JAK1: variants seen among roughly 807,000 people sequenced by gnomAD.
JAK1 encodes tyrosine-protein kinase JAK1.
In JAK1, 16 loss-of-function variants were observed where a neutral mutation model predicts 136.6. The observed-to-expected ratio is 0.12, with a 90% CI of 0.08 to 0.18. The LOEUF is 0.18. Among genes scored for constraint, JAK1 ranks in the 10% least tolerant of loss-of-function variants. The probability of loss-of-function intolerance (pLI) is 1.00; values close to 1 mark genes in which losing one functional copy is unlikely to be tolerated. For synonymous variants in JAK1, 492 were observed against 519.5 expected, an observed-to-expected ratio of 0.95 and a Z score of 0.72; for missense variants, 859 against 1,450.1, an observed-to-expected ratio of 0.59 and a Z score of 6.62.
intron 1 of JAK1, among the ~76,000 whole-genome samples, chr1:65,046,591 A>T (rs1175641215): frequency 6.6e-6 from 1 of 152,200 alleles, no homozygotes; most frequent in Non-Finnish European, 1.5e-5. Flanking sequence ...GCTGTCCATC[A>T]GTGGAACAGG....
chr1:64,844,358 CTGTG>C lies in JAK1; in HGVS notation c.2252-147_2252-144del. The C allele has an allele frequency of 9.2e-7, 1 of 1,087,444 alleles. No homozygotes were observed. The highest frequency in any genetic ancestry group is 1.4e-6 in the Non-Finnish European group (1 of 731,484). 67.4% of individuals were successfully genotyped at this position (1,087,444 alleles called of 1,614,324 possible). A position where few individuals can be genotyped will look rare whatever the true frequency, so the allele number is the denominator to read the frequency against. On this transcript the variant is annotated intron_variant, in intron 16 of 24. Coordinates refer to ENST00000342505, the MANE Select transcript of JAK1 (RefSeq NM_002227.4). This position sits in a 1 kb window ranked among gnomAD's most constrained non-coding sequence, Gnocchi z 5.7. ...AACATGGCCCATGGCCACATAGGCC[CTGTG>C]CGGGGGGCCTGCAGGCGTGCAGCCC... is the stretch of plus-strand genomic sequence containing the variant.
intron 2 of JAK1, among the ~76,000 whole-genome samples, chr1:65,014,572 G>C (rs1469787168): frequency 6.6e-6 from 1 of 152,080 alleles, no homozygotes; most frequent in Non-Finnish European, 1.5e-5. Context: ...ATTATCAAAG[G>C]AATGGCAGTG....
At position 64,841,617 on chromosome 1, in the gene JAK1, G is replaced by A. The variant is rs201787587; in HGVS notation, c.2404-16C>T. 1.9e-6 allele frequency: 3 copies of A among 1,613,030 alleles called. No homozygotes were observed. Among genetic ancestry groups the A allele is most frequent in the East Asian group, 2.2e-5 (1 of 44,890 alleles). On this transcript the variant is annotated splice_polypyrimidine_tract_variant and intron_variant, in intron 17 of 24. Coordinates refer to ENST00000342505, the MANE Select transcript of JAK1 (RefSeq NM_002227.4). ...ATCTCTCTTTCTGTAAACAAGAGGG[G>A]CACATGGAAGAAACCAAAGGAACCA... is the stretch of plus-strand genomic sequence containing the variant.
chr1:64,908,401 C>T (rs568422960), intron 1 of JAK1, among the ~76,000 whole-genome samples: 1 of 152,180 alleles, frequency 6.6e-6, no homozygotes, highest in African/African-American at 2.4e-5. Context: ...TTCCTTTTTA[C>T]ATATTCTACT....
At chr1:64,941,495 G>A (rs965135655) in intron 1 of JAK1, among the ~76,000 whole-genome samples, 1 of 151,816 alleles carries the variant, frequency 6.6e-6, no homozygotes, top group African/African-American at 2.4e-5. Context: ...AATATTTTAG[G>A]GACCAAAAAA....
At chr1:64,942,799 C>T (rs144166682) in intron 1 of JAK1, among the ~76,000 whole-genome samples, 1,915 of 152,096 alleles carry the variant, frequency 0.013, 41 homozygotes, top group African/African-American at 0.044. Flanking sequence ...GGAAGTAGAA[C>T]GAGGGAAGAA....
intron 8 of JAK1, among the ~76,000 whole-genome samples, chr1:64,861,908 C>T (rs529445788): frequency 6.6e-6 from 1 of 152,198 alleles, no homozygotes; most frequent in South Asian, 2.1e-4. Flanking sequence ...GAACAAGGGG[C>T]AGGCTGGCCT....
chr1:65,067,577 G>A (rs1569988693), intron 1 of JAK1: 1 of 135,940 alleles, frequency 7.4e-6, no homozygotes, highest in South Asian at 2.5e-4. Context: ...CGCCGCCCCC[G>A]CGCCCGGCCG....
At chr1:65,036,555 C>T (rs1216218428) in intron 2 of JAK1, among the ~76,000 whole-genome samples, 2 of 152,196 alleles carry the variant, frequency 1.3e-5, no homozygotes, top group South Asian at 4.1e-4. Flanking sequence ...ATGTGTCTTG[C>T]ACATTGTATC....
Position 64,994,168 on chromosome 1 carries a change from T to C in JAK1, c.-78+50312A>G, listed in dbSNP as rs375149021. On this transcript the variant is annotated intron_variant, in intron 2 of 25. Transcript: ENST00000671954. Reference sequence around the variant, plus strand: ...GTTGCCCAGGCTGGTCTCAAACTCTTGGGCTCAAGTAATCCGCCTTCCTTG... The same window carrying C: ...GTTGCCCAGGCTGGTCTCAAACTCTCGGGCTCAAGTAATCCGCCTTCCTTG... 2.0e-4 allele frequency among the ~76,000 whole-genome samples: 30 copies of C among 152,364 alleles called. 5 individuals are homozygous for C. The highest frequency in any genetic ancestry group is 3.3e-4 in the Admixed American group (5 of 15,306).
In JAK1 at chr1:64,984,200, G is replaced by A. The variant is rs559119696; in HGVS notation, c.-78+60280C>T. Among the ~76,000 whole-genome samples, 1 of 152,274 alleles carries A rather than the reference G, an allele frequency of 6.6e-6. No individual in the cohort carries two copies. The highest frequency in any genetic ancestry group is 2.1e-4 in the South Asian group (1 of 4,828). On this transcript the variant is annotated intron_variant, in intron 2 of 25. Coordinates refer to the JAK1 transcript ENST00000671954. This position sits in a 1 kb window ranked among gnomAD's most constrained non-coding sequence, Gnocchi z 4.1. ...GTACAGCTGTATGGAAGTGAGGAAG[G>A]TGCTCTTACATAAACCCTGTCTGCC... is the stretch of plus-strand genomic sequence containing the variant.
chr1:65,020,116 A>G (rs1405546994), intron 2 of JAK1, among the ~76,000 whole-genome samples: 1 of 136,546 alleles, frequency 7.3e-6, no homozygotes, highest in Non-Finnish European at 1.6e-5. Context: ...TCCTAGCTAC[A>G]TGGGAGGCTG....
chr1:64,908,867 G>A (rs893646097), intron 1 of JAK1, among the ~76,000 whole-genome samples: 4 of 152,046 alleles, frequency 2.6e-5, no homozygotes, highest in East Asian at 1.9e-4. Flanking sequence ...GAAAGCAAGC[G>A]AATACTAAAT....
chr1:64,911,937 T>C (rs1433878018), intron 1 of JAK1, among the ~76,000 whole-genome samples: 1 of 152,194 alleles, frequency 6.6e-6, no homozygotes, highest in Non-Finnish European at 1.5e-5. Flanking sequence ...AAAACTCTCA[T>C]AAAATTTAAT....
At chr1:64,940,424 C>A (rs1446991669) in intron 1 of JAK1, among the ~76,000 whole-genome samples, 1 of 150,334 alleles carries the variant, frequency 6.7e-6, no homozygotes. Flanking sequence ...TCAACCGATT[C>A]TTTTGCCTCA....
chr1:65,061,611 ATTTG>A (rs1388585655), intron 1 of JAK1, among the ~76,000 whole-genome samples: 1 of 152,158 alleles, frequency 6.6e-6, no homozygotes, highest in Non-Finnish European at 1.5e-5. Flanking sequence ...AACTAGTGTG[ATTTG>A]TTTTCCAATT....
intron 1 of JAK1, among the ~76,000 whole-genome samples, chr1:65,058,199 G>A (rs1285017471): frequency 2.0e-5 from 3 of 152,116 alleles, no homozygotes; most frequent in African/African-American, 7.2e-5. Context: ...GTCTCCTAAA[G>A]GTTCCAAAGA....
chr1:65,051,342 A>C (rs1014092661), intron 1 of JAK1, among the ~76,000 whole-genome samples: 10 of 152,206 alleles, frequency 6.6e-5, no homozygotes, highest in African/African-American at 2.4e-4. Context: ...GGTTTTCCAG[A>C]AATCTAGTCC....
At chr1:65,028,535 A>T (rs1646997639) in intron 2 of JAK1, among the ~76,000 whole-genome samples, 1 of 152,132 alleles carries the variant, frequency 6.6e-6, no homozygotes, top group East Asian at 1.9e-4. Flanking sequence ...CACACAAATC[A>T]TGTAAAAGTT....
Sources: allele counts gnomAD v4.1 joint callset (sites outside exome capture counted in the v4.1 genomes callset), GRCh38; gene constraint gnomAD v4.1.1; non-coding constraint Gnocchi (gnomAD v3.1); transcripts MANE v1.5; gene names NCBI Gene and HGNC (gene_info 2026-07-23, HGNC 2026-07-21).